TP63: variants seen among roughly 807,000 people sequenced by gnomAD.
The protein encoded by TP63 is tumor protein p63, also known as tumor protein 63.
In TP63, 17 loss-of-function variants were observed where a neutral mutation model predicts 82.8. That is an observed-to-expected ratio of 0.21 (90% confidence interval 0.14 to 0.31). The LOEUF is 0.31. Ranked by LOEUF, TP63 falls within the 10% of genes least tolerant of loss-of-function variation. The pLI is 1.00. For missense variants in TP63, 648 were observed against 895.3 expected (o/e 0.72, Z 3.52); for synonymous variants, 330 against 321.7 (o/e 1.03, Z -0.28).
chr3:189,867,916 A>G lies in TP63; in HGVS notation c.966A>G (p.Leu322=). 6.2e-7 allele frequency: 1 copy of G among 1,613,998 alleles called. No homozygotes were observed. Among genetic ancestry groups the G allele is most frequent in the Non-Finnish European group, 8.5e-7 (1 of 1,179,918 alleles). ...GAGGGATGAACCGCCGTCCAATTTT[A>G]ATCATTGTTACTCTGGAAACCAGAG... ...CVGGMNRRPI[L]IIVTLETRDG... Residue 322 remains leucine, a synonymous_variant, in exon 7 of 14, where the codon TTA becomes TTG. Coordinates refer to ENST00000264731, the MANE Select transcript of TP63 (RefSeq NM_003722.5).
intron 1 of TP63, among the ~76,000 whole-genome samples, chr3:189,712,657 G>A (rs866200468): frequency 4.6e-5 from 7 of 152,096 alleles, no homozygotes; most frequent in South Asian, 2.1e-4. Context: ...TACCTTGGGG[G>A]TTAGGTTTCA....
Position 189,873,035 on chromosome 3 carries a change from G to A in TP63, c.1349+40G>A, listed in dbSNP as rs9840359. The stretch of plus-strand genomic sequence containing the variant: ...GTGTCATTTTAGGAGGCATGAGTGA[G>A]GGTGACTTTATTTGGATCAGCAATA... On this transcript the variant is annotated intron_variant, in intron 10 of 13. Transcript: ENST00000264731. 1 of 1,613,550 alleles carries A rather than the reference G, an allele frequency of 6.2e-7. No homozygotes were observed. Among genetic ancestry groups the A allele is most frequent in the South Asian group, 1.1e-5 (1 of 91,060 alleles).
At chr3:189,783,035 A>G (rs1221477651) in intron 3 of TP63, among the ~76,000 whole-genome samples, 3 of 152,032 alleles carry the variant, frequency 2.0e-5, no homozygotes, top group African/African-American at 4.8e-5. Flanking sequence ...CTTATATGAT[A>G]GTGTATTTTA....
intron 3 of TP63, among the ~76,000 whole-genome samples, chr3:189,775,956 T>C (rs566070223): frequency 6.6e-6 from 1 of 152,234 alleles, no homozygotes; most frequent in South Asian, 2.1e-4. Flanking sequence ...TTGGATGCAA[T>C]ACTAAGAATG....
chr3:189,668,651 G>C (rs550017742), intron 1 of TP63, among the ~76,000 whole-genome samples: 1 of 152,142 alleles, frequency 6.6e-6, no homozygotes, highest in South Asian at 2.1e-4. Flanking sequence ...AATATCAAAG[G>C]ATCTTAGCAA....
At chr3:189,740,668 T>G (rs560497916) in intron 3 of TP63, among the ~76,000 whole-genome samples, 23 of 151,836 alleles carry the variant, frequency 1.5e-4, no homozygotes, top group Admixed American at 6.6e-5. Flanking sequence ...CCCGGCTGAT[T>G]TTTGTATTTT....
At chr3:189,878,714 C>T (rs1376940098) in intron 10 of TP63, among the ~76,000 whole-genome samples, 15 of 150,350 alleles carry the variant, frequency 1.0e-4, no homozygotes, top group African/African-American at 3.7e-4. Flanking sequence ...AGGTGTGAGC[C>T]ACCGCGCCCA....
intron 9 of TP63, among the ~76,000 whole-genome samples, chr3:189,871,095 A>G (rs780361085): frequency 7.2e-5 from 11 of 152,194 alleles, no homozygotes; most frequent in Non-Finnish European, 1.5e-4. Flanking sequence ...TTTTCAGCTG[A>G]TAAAACAGGA....
chr3:189,635,186 A>T (rs1010699614), intron 1 of TP63, among the ~76,000 whole-genome samples: 2 of 152,224 alleles, frequency 1.3e-5, no homozygotes, highest in Non-Finnish European at 2.9e-5. Context: ...GAACTATTAA[A>T]ATACTATATG....
chr3:189,793,767 G>A (rs1560189604), intron 3 of TP63, among the ~76,000 whole-genome samples: 1 of 152,130 alleles, frequency 6.6e-6, no homozygotes, highest in Middle Eastern at 3.4e-3. Context: ...AAAACAACTT[G>A]ATGATTTCCA....
intron 9 of TP63, among the ~76,000 whole-genome samples, chr3:189,869,718 T>G (rs950561448): frequency 8.0e-6 from 1 of 125,664 alleles, no homozygotes; most frequent in African/African-American, 2.9e-5. Context: ...CTCTAGGGTG[T>G]TTTTTTTTTT....
intron 1 of TP63, among the ~76,000 whole-genome samples, chr3:189,717,939 A>G (rs1357855442): frequency 6.6e-6 from 1 of 152,244 alleles, no homozygotes; most frequent in East Asian, 1.9e-4. Flanking sequence ...ACCTTGCTAT[A>G]TAATCCACTA....
chr3:189,886,325 G>C, intron 10 of TP63, 69 bp from the exon 11 acceptor site: 1 of 1,547,882 alleles, frequency 6.5e-7, no homozygotes. Flanking sequence ...ACAGAGACCT[G>C]TTGAAAATCA....
chr3:189,827,423 G>A (rs1278581622), intron 4 of TP63, among the ~76,000 whole-genome samples: 1 of 151,892 alleles, frequency 6.6e-6, no homozygotes, highest in African/African-American at 2.4e-5. Flanking sequence ...TTTCATCTCT[G>A]GGTCTTAGTG....
chr3:189,799,380 T>G (rs1726048374), intron 3 of TP63, among the ~76,000 whole-genome samples: 1 of 152,068 alleles, frequency 6.6e-6, no homozygotes, highest in African/African-American at 2.4e-5. Flanking sequence ...TTCTGGGTGG[T>G]TTCTTTTCAA....
intron 2 of TP63, 64 bp from the exon 3 acceptor site, chr3:189,738,578 A>T (rs1407272704): frequency 3.1e-6 from 5 of 1,611,976 alleles, no homozygotes; most frequent in Non-Finnish European, 4.2e-6. Context: ...GTTGTTAACA[A>T]CAGCATGAGT....
intron 4 of TP63, among the ~76,000 whole-genome samples, chr3:189,837,935 A>T (rs1367232706): frequency 5.9e-5 from 9 of 152,088 alleles, no homozygotes; most frequent in Admixed American, 5.9e-4. Flanking sequence ...AATATTCCTT[A>T]CTTATGCTGA....
intron 1 of TP63, among the ~76,000 whole-genome samples, chr3:189,634,350 G>GA (rs200642646): frequency 0.05 from 7,440 of 150,112 alleles, 192 homozygotes; most frequent in Middle Eastern, 0.062. Context: ...TTACAGAATA[G>GA]AAAAAAAAAT....
chr3:189,777,913 T>C (rs562327325), intron 3 of TP63, among the ~76,000 whole-genome samples: 15 of 135,380 alleles, frequency 1.1e-4, no homozygotes, highest in African/African-American at 3.9e-4. Flanking sequence ...TGGAGTACAG[T>C]GGCTGGATCT....
Sources: gnomAD v4.1 joint callset for allele counts (sites outside exome capture counted in the v4.1 genomes callset) on GRCh38, gnomAD v4.1.1 for gene constraint, MANE v1.5 for transcripts, NCBI Gene and HGNC (gene_info 2026-07-23, HGNC 2026-07-21) for gene names.